Variants in SLC18A1 observed in about 807,000 individuals in gnomAD.
SLC18A1 encodes solute carrier family 18 member A1.
A neutral mutation model predicts 53.7 loss-of-function variants in SLC18A1; 69 were observed. The ratio of observed to expected loss-of-function variants is 1.28; its 90% CI spans 1.06 to 1.57. The LOEUF (loss-of-function observed/expected upper bound fraction) is 1.57, where lower values mean the gene tolerates loss of function less well. Among genes scored for constraint, SLC18A1 ranks in the 40% most tolerant of loss-of-function variants. The probability of loss-of-function intolerance (pLI) is 0.00; values close to 1 mark genes in which losing one functional copy is unlikely to be tolerated. For synonymous variants in SLC18A1, 320 were observed against 248.1 expected, an observed-to-expected ratio of 1.29 and a Z score of -2.72; for missense variants, 932 against 668.1, an observed-to-expected ratio of 1.40 and a Z score of -4.35.
chr8:20,181,671 C>G (rs1271695779), intron 1 of SLC18A1: 1 of 152,070 alleles, frequency 6.6e-6, no homozygotes, highest in African/African-American at 2.4e-5. Flanking sequence ...GACCTTTGTT[C>G]TAGGTGCTAC....
chr8:20,169,302 CACAG>C (rs2072051360), intron 8 of SLC18A1, among the ~76,000 whole-genome samples: 1 of 152,104 alleles, frequency 6.6e-6, no homozygotes, highest in African/African-American at 2.4e-5. Context: ...AAATGTCTTA[CACAG>C]TCATGGACTG....
At chr8:20,158,742 C>T (rs1181755896) in intron 10 of SLC18A1, among the ~76,000 whole-genome samples, 1 of 152,160 alleles carries the variant, frequency 6.6e-6, no homozygotes, top group Non-Finnish European at 1.5e-5. Flanking sequence ...TATTGTCCCT[C>T]TATACCAAGC....
intron 12 of SLC18A1, chr8:20,148,470 A>T (rs1225740895): frequency 7.8e-7 from 1 of 1,289,926 alleles, no homozygotes; most frequent in South Asian, 1.2e-5. Context: ...TCTGTTTTCC[A>T]TTATGGACAT....
intron 4 of SLC18A1, 42 bp from the exon 5 acceptor site, chr8:20,174,486 G>A: frequency 2.1e-6 from 3 of 1,421,876 alleles, no homozygotes; most frequent in Non-Finnish European, 2.0e-6. Context: ...TTAGCAAATT[G>A]CCTTTGCTTC....
rs765658675 is a variant in SLC18A1 at position 20,145,729 on chromosome 8, G to A, written c.*34C>T. 24 of 1,389,454 alleles carry A rather than the reference G, an allele frequency of 1.7e-5. No homozygotes were observed. The highest frequency in any genetic ancestry group is 2.4e-5 in the Non-Finnish European group (24 of 986,274). 86.1% of individuals were successfully genotyped at this position (1,389,454 alleles called of 1,614,324 possible). A position where few individuals can be genotyped will look rare whatever the true frequency, so the allele number is the denominator to read the frequency against. On this transcript the variant is annotated 3_prime_UTR_variant, in exon 16 of 16. Transcript: ENST00000276373. ...GGTCCCAGGGAAAGAGGTGGTCACT[G>A]AGGCATCATGAATTCAAGGAGCACC... is the stretch of plus-strand genomic sequence containing the variant.
intron 12 of SLC18A1, chr8:20,148,634 C>T: frequency 2.3e-6 from 1 of 436,592 alleles, no homozygotes; most frequent in South Asian, 1.7e-5. Flanking sequence ...ATTCCCATTG[C>T]CCTCCCAATC....
At chr8:20,164,330 A>T (rs1231051210) in intron 10 of SLC18A1, among the ~76,000 whole-genome samples, 2 of 152,088 alleles carry the variant, frequency 1.3e-5, no homozygotes, top group Non-Finnish European at 2.9e-5. Context: ...TGAGTGCTAC[A>T]TACACCCCTT....
chr8:20,149,915 C>T (rs2071506939), intron 11 of SLC18A1, among the ~76,000 whole-genome samples, 188 bp from the exon 12 acceptor site: 1 of 152,188 alleles, frequency 6.6e-6, no homozygotes, highest in Non-Finnish European at 1.5e-5. Context: ...CTTGTCTCCC[C>T]TGGCTCCATC....
chr8:20,167,447 G>T (rs1341833454), intron 8 of SLC18A1, among the ~76,000 whole-genome samples: 1 of 151,908 alleles, frequency 6.6e-6, no homozygotes, highest in African/African-American at 2.4e-5. Context: ...TTTGAAAGAA[G>T]AATACATGTA....
intron 15 of SLC18A1, among the ~76,000 whole-genome samples, chr8:20,146,305 T>C (rs941494177): frequency 3.3e-5 from 5 of 152,128 alleles, no homozygotes; most frequent in African/African-American, 7.2e-5. Context: ...TCAAGAAACA[T>C]GCATAGGACC....
intron 10 of SLC18A1, among the ~76,000 whole-genome samples, chr8:20,156,108 A>G (rs1315034311): frequency 6.6e-6 from 1 of 152,262 alleles, no homozygotes; most frequent in Non-Finnish European, 1.5e-5. Context: ...ATAGATCAGT[A>G]TCAAAGTGAA....
At chr8:20,177,623 G>A (rs2072283485) in intron 4 of SLC18A1, among the ~76,000 whole-genome samples, 1 of 152,110 alleles carries the variant, frequency 6.6e-6, no homozygotes, top group Non-Finnish European at 1.5e-5. Context: ...GTGTACCCTA[G>A]AACTTAAAGT....
intron 10 of SLC18A1, among the ~76,000 whole-genome samples, chr8:20,151,794 C>CCATT (rs145356190): frequency 0.017 from 2,589 of 152,094 alleles, 40 homozygotes; most frequent in African/African-American, 0.038. Context: ...TGAGTCTCTT[C>CCATT]CATTCATTCA....
In SLC18A1 at chr8:20,165,463, C is replaced by A. The variant is rs1187983737; in HGVS notation, c.859-356G>T. 2.0e-5 allele frequency among the ~76,000 whole-genome samples: 3 copies of A among 152,148 alleles called. No individual in the cohort carries two copies. The East Asian group carries it at 5.8e-4, about 29-fold the overall frequency. On this transcript the variant is annotated intron_variant, in intron 8 of 15. Transcript: ENST00000276373. ...TCTGGACTCCTGGTTTCCACTAGAT[C>A]TCCCTGGTACTAATATTTGTCCTGG...
At chr8:20,169,245 G>A (rs537275290) in intron 8 of SLC18A1, among the ~76,000 whole-genome samples, 5 of 152,102 alleles carry the variant, frequency 3.3e-5, no homozygotes, top group Non-Finnish European at 7.4e-5. Flanking sequence ...AAAGATAAAG[G>A]CTGAGAACTT....
Position 20,171,446 on chromosome 8 carries a change from G to A in SLC18A1, c.773C>T (p.Ala258Val). 6.2e-7 allele frequency: 1 copy of A among 1,614,158 alleles called. No homozygotes were observed. The highest frequency in any genetic ancestry group is 2.2e-5 in the East Asian group (1 of 44,880). The change falls in exon 7 of 16, where the codon GCA becomes GTA. Residue 258 changes from alanine to valine, a missense_variant. Ala to Val is a moderately conservative substitution (Grantham distance 64). Transcript: ENST00000276373. ...CAGGAAGGCCAGGATGAGGAAGGGTGCAGACTTCCCAACAAACTCGTACAT... is the reference window on the plus strand; with the variant it reads ...CAGGAAGGCCAGGATGAGGAAGGGTACAGACTTCCCAACAAACTCGTACAT... ...SVMYEFVGKSAPFLILAFLAL... is the reference protein window; with the variant it reads ...SVMYEFVGKSVPFLILAFLAL...
chr8:20,150,925 C>A (rs77543795), intron 10 of SLC18A1, 181 bp from the exon 11 acceptor site: 3 of 601,352 alleles, frequency 5.0e-6, no homozygotes, highest in East Asian at 5.6e-5. Flanking sequence ...CCACACCTCT[C>A]CTTTCTTCAG....
chr8:20,149,593 TC>T, intron 12 of SLC18A1, 82 bp downstream of exon 12: 1 of 548,846 alleles, frequency 1.8e-6, no homozygotes, highest in Non-Finnish European at 2.6e-6. Context: ...TCTCTCCCTC[TC>T]TCTCTCTCTC....
chr8:20,145,456 T>C lies in SLC18A1; in HGVS notation c.*307A>G, dbSNP rs2128865543. ...GGCACATTACTCACTACCACCTCTA[T>C]GCAATGAGTCACCCCTTGCAGAACC... On this transcript the variant is annotated 3_prime_UTR_variant, in exon 16 of 16. Transcript: ENST00000276373. The C allele has an allele frequency of 4.5e-6, 1 of 221,318 alleles. No individual in the cohort carries two copies. The highest frequency in any genetic ancestry group is 1.0e-4 in the East Asian group (1 of 9,546). The allele number at this position is 221,318 out of a possible 1,614,324, so 13.7% of individuals were successfully genotyped here.
Sources: allele counts gnomAD v4.1 joint callset (sites outside exome capture counted in the v4.1 genomes callset), GRCh38; gene constraint gnomAD v4.1.1; transcripts MANE v1.5; gene names NCBI Gene and HGNC (gene_info 2026-07-23, HGNC 2026-07-21).